TGM6: variants seen among roughly 807,000 people sequenced by gnomAD.
TGM6 encodes transglutaminase 6.
Under a neutral mutation model 77.5 loss-of-function variants are expected in TGM6, and 74 were observed. The ratio of observed to expected loss-of-function variants is 0.96; its 90% CI spans 0.79 to 1.16. TGM6 has a LOEUF of 1.16. Ranked by LOEUF, TGM6 falls within the 50% of genes most tolerant of loss-of-function variation. The pLI is 0.00. For missense variants in TGM6, 968 were observed against 940.2 expected, an observed-to-expected ratio of 1.03 and a Z score of -0.39; for synonymous variants, 383 against 378.9, an observed-to-expected ratio of 1.01 and a Z score of -0.12.
At chr20:2,421,782 T>TAA (rs999247550) in intron 10 of TGM6, among the ~76,000 whole-genome samples, 6 of 152,328 alleles carry the variant, frequency 3.9e-5, no homozygotes, top group Admixed American at 3.3e-4. Context: ...TTAGTTTTAA[T>TAA]AAAGTCCAAC....
At chr20:2,401,318 G>T (rs986016584) in intron 7 of TGM6, among the ~76,000 whole-genome samples, 1 of 151,910 alleles carries the variant, frequency 6.6e-6, no homozygotes, top group African/African-American at 2.4e-5. Flanking sequence ...TCTCCCTCCC[G>T]CCCAGTTCCC....
intron 5 of TGM6, among the ~76,000 whole-genome samples, chr20:2,398,396 T>C (rs1334403305): frequency 1.3e-5 from 2 of 152,166 alleles, no homozygotes; most frequent in Non-Finnish European, 2.9e-5. Context: ...TCATGTCTCC[T>C]GGAACTGGAA....
intron 10 of TGM6, among the ~76,000 whole-genome samples, chr20:2,426,252 T>C (rs1264373815): frequency 6.6e-6 from 1 of 152,174 alleles, no homozygotes; most frequent in Non-Finnish European, 1.5e-5. Flanking sequence ...GTTCCATTTT[T>C]GGTGGTGCTA....
intron 12 of TGM6, among the ~76,000 whole-genome samples, chr20:2,431,642 A>G (rs1428507427): frequency 3.3e-5 from 5 of 152,236 alleles, no homozygotes; most frequent in African/African-American, 1.2e-4. Context: ...ACATGAGGAC[A>G]GTGTGATTTG....
chr20:2,400,567 C>T, intron 7 of TGM6, 123 bp downstream of exon 7: 2 of 1,450,044 alleles, frequency 1.4e-6, no homozygotes, highest in Non-Finnish European at 9.4e-7. Context: ...TGAATCTGAG[C>T]CGGCTCTGGA....
At position 2,395,392 on chromosome 20, in the gene TGM6, G is replaced by A. The variant is rs146964822; in HGVS notation, c.380G>A (p.Arg127Gln). Reference sequence around the variant, plus strand: ...TCCTCTCACCGCAAACACAGCAACCGGAGGCTGGGCGAGTTTGTTCTCCTT... The same window carrying A: ...TCCTCTCACCGCAAACACAGCAACCAGAGGCTGGGCGAGTTTGTTCTCCTT... ...RLSSHRKHSN[R>Q]RLGEFVLLFN... The change falls in exon 3 of 13, where the codon CGG becomes CAG. Residue 127 changes from arginine to glutamine, a missense_variant. Physicochemically the swap from Arg to Gln is conservative, Grantham distance 43. Coordinates refer to ENST00000202625, the MANE Select transcript of TGM6 (RefSeq NM_198994.3). 187 of 1,614,236 alleles carry A rather than the reference G, an allele frequency of 1.2e-4. No homozygotes were observed. The highest frequency in any genetic ancestry group is 9.2e-4 in the African/African-American group (69 of 75,062).
At chr20:2,409,642 G>A (rs1158630768) in intron 9 of TGM6, among the ~76,000 whole-genome samples, 1 of 151,700 alleles carries the variant, frequency 6.6e-6, no homozygotes, top group Non-Finnish European at 1.5e-5. Flanking sequence ...AACCTGGGAG[G>A]CGGAGGTTGC....
Position 2,432,549 on chromosome 20 carries a change from A to G in TGM6, c.2027A>G (p.Lys676Arg). 1 of 1,614,076 alleles carries G rather than the reference A, an allele frequency of 6.2e-7. No individual in the cohort carries two copies. The highest frequency in any genetic ancestry group is 8.5e-7 in the Non-Finnish European group (1 of 1,180,016). ...GTCCAGTTTGACATCACCCCCTCCA[A>G]AAGTGGCCCAAGGCAGCTGCAGGTG... is the stretch of plus-strand genomic sequence containing the variant. The part of the protein sequence containing the change: ...ASVQFDITPS[K>R]SGPRQLQVDL... Residue 676 changes from lysine (K) to arginine (R), a missense_variant, in exon 13 of 13, where the codon AAA becomes AGA. Coordinates refer to ENST00000202625, the MANE Select transcript of TGM6 (RefSeq NM_198994.3).
At chr20:2,395,967 G>A (rs1473540098) in intron 3 of TGM6, among the ~76,000 whole-genome samples, 1 of 152,166 alleles carries the variant, frequency 6.6e-6, no homozygotes, top group Non-Finnish European at 1.5e-5. Flanking sequence ...GATCACCTGA[G>A]GTGGGGAGTT....
At chr20:2,431,169 C>T in intron 12 of TGM6, 142 bp downstream of exon 12, 1 of 976,298 alleles carries the variant, frequency 1.0e-6, no homozygotes, top group Admixed American at 2.9e-5. Context: ...TATCAGCCTT[C>T]ATTCACTTAT....
intron 9 of TGM6, among the ~76,000 whole-genome samples, chr20:2,415,404 G>A (rs1050841571): frequency 6.6e-6 from 1 of 152,150 alleles, no homozygotes; most frequent in African/African-American, 2.4e-5. Flanking sequence ...GGAATGGGAT[G>A]GATCCTACAT....
chr20:2,422,321 T>A (rs550863206), intron 10 of TGM6, among the ~76,000 whole-genome samples: 2 of 152,212 alleles, frequency 1.3e-5, no homozygotes, highest in African/African-American at 4.8e-5. Context: ...GCACCATTTG[T>A]TGACTATCTT....
intron 9 of TGM6, among the ~76,000 whole-genome samples, chr20:2,408,827 G>C (rs1364350960): frequency 6.6e-6 from 1 of 152,164 alleles, no homozygotes; most frequent in Non-Finnish European, 1.5e-5. Flanking sequence ...TAAAGGAGCT[G>C]ACATTCTAGT....
At chr20:2,412,172 C>T (rs2084788537) in intron 9 of TGM6, among the ~76,000 whole-genome samples, 1 of 152,116 alleles carries the variant, frequency 6.6e-6, no homozygotes, top group Admixed American at 6.6e-5. Flanking sequence ...AAAATACCAA[C>T]AAATGCTGGA....
At chr20:2,386,421 C>A (rs2084596325) in intron 1 of TGM6, among the ~76,000 whole-genome samples, 1 of 151,970 alleles carries the variant, frequency 6.6e-6, no homozygotes, top group South Asian at 2.1e-4. Context: ...ATTGGGATTT[C>A]TAGGTGGTTT....
At chr20:2,390,175 T>C (rs1429448656) in intron 1 of TGM6, among the ~76,000 whole-genome samples, 1 of 152,188 alleles carries the variant, frequency 6.6e-6, no homozygotes, top group Non-Finnish European at 1.5e-5. Flanking sequence ...GATGAGCCCT[T>C]CCTGTTCATT....
At chr20:2,390,609 C>T (rs1386252399) in intron 1 of TGM6, among the ~76,000 whole-genome samples, 1 of 152,142 alleles carries the variant, frequency 6.6e-6, no homozygotes, top group East Asian at 1.9e-4. Flanking sequence ...GCTCCCTGCC[C>T]TTATGCAGTT....
chr20:2,430,393 G>A, intron 10 of TGM6, 53 bp from the exon 11 acceptor site: 1 of 1,605,034 alleles, frequency 6.2e-7, no homozygotes, highest in Non-Finnish European at 8.5e-7. Context: ...TCTTCCCAGT[G>A]CCATTGAAGA....
chr20:2,413,955 C>G (rs1217201326), intron 9 of TGM6, among the ~76,000 whole-genome samples: 1 of 152,018 alleles, frequency 6.6e-6, no homozygotes. Flanking sequence ...GAAAGATAGC[C>G]CATGGAATAG....
Sources: allele counts gnomAD v4.1 joint callset (sites outside exome capture counted in the v4.1 genomes callset), GRCh38; gene constraint gnomAD v4.1.1; transcripts MANE v1.5; gene names NCBI Gene and HGNC (gene_info 2026-07-23, HGNC 2026-07-21).